WWOX: variants seen among roughly 807,000 people sequenced by gnomAD.
WWOX encodes the protein WW domain containing oxidoreductase.
In WWOX, 69 loss-of-function variants were observed where a neutral mutation model predicts 46.2. The observed-to-expected ratio is 1.49, with a 90% CI of 1.23 to 1.82. The LOEUF (loss-of-function observed/expected upper bound fraction) is 1.82, where lower values mean the gene tolerates loss of function less well. Among genes scored for constraint, WWOX ranks in the 40% most tolerant of loss-of-function variants. WWOX has a pLI of 0.00. For synonymous variants in WWOX, 359 were observed against 202.6 expected (o/e 1.77, Z -6.56); for missense variants, 919 against 542.6 (o/e 1.69, Z -6.89).
intron 8 of WWOX, among the ~76,000 whole-genome samples, chr16:78,638,228 C>G (rs1013249459): frequency 6.6e-6 from 1 of 152,178 alleles, no homozygotes; most frequent in African/African-American, 2.4e-5. Context: ...GACAAGCCAA[C>G]GAAGGCTTGG....
At chr16:78,506,719 T>A in intron 8 of WWOX, among the ~76,000 whole-genome samples, 2 of 121,466 alleles carry the variant, frequency 1.6e-5, no homozygotes, top group South Asian at 5.4e-4. Context: ...TTTTTTTTTT[T>A]TTTTTTTTTG....
At chr16:78,325,180 T>G (rs1006752692) in intron 5 of WWOX, among the ~76,000 whole-genome samples, 3 of 152,206 alleles carry the variant, frequency 2.0e-5, no homozygotes, top group African/African-American at 7.2e-5. Flanking sequence ...CTTTGAATCC[T>G]TTTCCGTCAC....
At chr16:78,895,447 G>A (rs1381490337) in intron 8 of WWOX, 1 of 152,226 alleles carries the variant, frequency 6.6e-6, no homozygotes, top group Non-Finnish European at 1.5e-5. Context: ...TCTGCCCCAT[G>A]GCAGTGGTGA....
intron 8 of WWOX, among the ~76,000 whole-genome samples, chr16:78,876,976 T>C (rs947796385): frequency 2.0e-5 from 3 of 152,206 alleles, no homozygotes; most frequent in Admixed American, 6.5e-5. Flanking sequence ...ATAGTCTTAT[T>C]ACTTTGCCTG....
At chr16:78,184,159 C>T (rs951690192) in intron 5 of WWOX, among the ~76,000 whole-genome samples, 6 of 152,076 alleles carry the variant, frequency 3.9e-5, no homozygotes, top group South Asian at 2.1e-4. Flanking sequence ...TTAACATGCT[C>T]GGTGCTTCTC....
At chr16:78,429,626 G>A (rs2083171456) in intron 7 of WWOX, among the ~76,000 whole-genome samples, 1 of 152,160 alleles carries the variant, frequency 6.6e-6, no homozygotes, top group Non-Finnish European at 1.5e-5. Context: ...TCTATGCCAT[G>A]TAGGTAGAGT....
chr16:78,526,016 G>C (rs2043457078), intron 8 of WWOX: 1 of 152,242 alleles, frequency 6.6e-6, no homozygotes, highest in Non-Finnish European at 1.5e-5. Flanking sequence ...CACCCAGTAA[G>C]CAGCTCTGGC....
chr16:78,976,568 C>A (rs1358982078), intron 8 of WWOX, among the ~76,000 whole-genome samples: 1 of 152,194 alleles, frequency 6.6e-6, no homozygotes, highest in Non-Finnish European at 1.5e-5. Context: ...AGGTCTCAGC[C>A]TGGGATCTTG....
intron 5 of WWOX, among the ~76,000 whole-genome samples, chr16:78,294,777 G>A (rs1443678020): frequency 6.6e-6 from 1 of 152,086 alleles, no homozygotes. Context: ...AGGAAAGGAG[G>A]AAGGAAGGAT....
chr16:78,646,510 C>G (rs1404707029), intron 8 of WWOX, among the ~76,000 whole-genome samples: 1 of 152,082 alleles, frequency 6.6e-6, no homozygotes, highest in Non-Finnish European at 1.5e-5. Context: ...TCACTGCATC[C>G]CCTGTCTCCC....
chr16:78,620,989 T>C (rs1379318793), intron 8 of WWOX, among the ~76,000 whole-genome samples: 1 of 152,204 alleles, frequency 6.6e-6, no homozygotes, highest in Non-Finnish European at 1.5e-5. Flanking sequence ...TACATTGCAA[T>C]TTCAAAATAA....
chr16:78,728,949 A>G (rs888814981), intron 8 of WWOX, among the ~76,000 whole-genome samples: 34 of 152,134 alleles, frequency 2.2e-4, no homozygotes, highest in African/African-American at 7.2e-4. Context: ...GAGGATTAGG[A>G]TGGACTTTAT....
At chr16:78,485,982 G>T (rs981554814) in intron 8 of WWOX, among the ~76,000 whole-genome samples, 5 of 152,176 alleles carry the variant, frequency 3.3e-5, no homozygotes, top group Admixed American at 6.5e-5. Flanking sequence ...CTGTTACCTA[G>T]GAGTCCATGT....
intron 8 of WWOX, among the ~76,000 whole-genome samples, chr16:78,921,550 T>A (rs2045380122): frequency 6.6e-6 from 1 of 152,194 alleles, no homozygotes; most frequent in East Asian, 1.9e-4. Flanking sequence ...AATAAAGATG[T>A]CATTGGGACT....
At chr16:78,704,933 T>C (rs905886168) in intron 8 of WWOX, among the ~76,000 whole-genome samples, 2 of 151,658 alleles carry the variant, frequency 1.3e-5, no homozygotes, top group African/African-American at 2.4e-5. Flanking sequence ...TTTTTTTTTT[T>C]TAAAGAGGAG....
intron 8 of WWOX, among the ~76,000 whole-genome samples, chr16:78,871,283 C>A (rs901747178): frequency 1.3e-5 from 2 of 151,884 alleles, no homozygotes. Flanking sequence ...ATTCTTATAA[C>A]CTGTATGCAC....
At chr16:78,273,685 A>G (rs149163223) in intron 5 of WWOX, among the ~76,000 whole-genome samples, 28 of 152,310 alleles carry the variant, frequency 1.8e-4, no homozygotes, top group Non-Finnish European at 3.2e-4. Context: ...GAGGAAGAGG[A>G]AACATTTTGA....
chr16:78,168,267 C>T (rs1220224130), intron 5 of WWOX: 1 of 152,248 alleles, frequency 6.6e-6, no homozygotes, highest in Non-Finnish European at 1.5e-5. Context: ...ACTGCACATT[C>T]CGGGATCGCC....
chr16:78,324,112 A>ATT (rs531673112), intron 5 of WWOX, among the ~76,000 whole-genome samples: 4 of 151,984 alleles, frequency 2.6e-5, no homozygotes, highest in Non-Finnish European at 4.4e-5. Context: ...CAAGGATGGG[A>ATT]TTTGAACGTC....
Sources: allele counts gnomAD v4.1 joint callset (sites outside exome capture counted in the v4.1 genomes callset), GRCh38; gene constraint gnomAD v4.1.1; transcripts MANE v1.5; gene names NCBI Gene and HGNC (gene_info 2026-07-23, HGNC 2026-07-21).